SLC39A12: variants seen among roughly 807,000 people sequenced by gnomAD.
SLC39A12 encodes solute carrier family 39 member 12.
In SLC39A12, 63 loss-of-function variants were observed where a neutral mutation model predicts 71.1. The ratio of observed to expected loss-of-function variants is 0.89; its 90% confidence interval spans 0.72 to 1.09. The LOEUF (loss-of-function observed/expected upper bound fraction) is 1.09. Ranked by LOEUF, SLC39A12 falls within the 50% of genes least tolerant of loss-of-function variation. The probability of loss-of-function intolerance (pLI) is 0.00; values close to 1 mark genes in which losing one functional copy is unlikely to be tolerated. For missense variants in SLC39A12, 892 were observed against 812.6 expected, an observed-to-expected ratio of 1.10 and a Z score of -1.19; for synonymous variants, 351 against 301.3, an observed-to-expected ratio of 1.16 and a Z score of -1.71.
At chr10:18,019,820 A>G (rs188437607) in intron 12 of SLC39A12, among the ~76,000 whole-genome samples, 1 of 152,222 alleles carries the variant, frequency 6.6e-6, no homozygotes, top group African/African-American at 2.4e-5. Flanking sequence ...CTTATAGCCC[A>G]GAATGTGGTC....
chr10:18,018,805 C>T (rs1225083129), intron 12 of SLC39A12, among the ~76,000 whole-genome samples: 2 of 152,016 alleles, frequency 1.3e-5, no homozygotes, highest in African/African-American at 2.4e-5. Flanking sequence ...AGTCTTGCAT[C>T]TATATTTTTG....
chr10:18,035,063 C>T (rs1335854872), intron 12 of SLC39A12, among the ~76,000 whole-genome samples: 1 of 144,490 alleles, frequency 6.9e-6, no homozygotes, highest in Non-Finnish European at 1.5e-5. Context: ...CGACCTTTCT[C>T]TCTGGCTGCC....
At chr10:18,003,515 C>A in intron 12 of SLC39A12, 157 bp downstream of exon 12, 1 of 591,726 alleles carries the variant, frequency 1.7e-6, no homozygotes, top group South Asian at 4.0e-5. Context: ...CAAGAAAGTG[C>A]ATTCTGGGCA....
chr10:17,995,582 T>A lies in SLC39A12; in HGVS notation c.1534-74T>A, dbSNP rs187461471. ...TGTCTTTTAAAAACCCATGTAACTC[T>A]CCAGATGTTTCATTTTTCAACAAAA... On this transcript the variant is annotated intron_variant, in intron 9 of 12. Transcript: ENST00000377369. The A allele has an allele frequency of 1.3e-4, 173 of 1,375,296 alleles. 1 individual carries two copies. In the East Asian group the frequency reaches 3.9e-3, roughly 31 times the overall value. The allele number at this position is 1,375,296 out of a possible 1,614,324, so 85.2% of individuals were successfully genotyped here.
At chr10:18,036,794 ATTTT>A (rs746691202) in intron 12 of SLC39A12, among the ~76,000 whole-genome samples, 1 of 92,862 alleles carries the variant, frequency 1.1e-5, no homozygotes, top group East Asian at 4.4e-4. Flanking sequence ...ATATATATAT[ATTTT>A]TTTTTTTAAT....
At chr10:17,992,823 A>T (rs576463149) in intron 8 of SLC39A12, among the ~76,000 whole-genome samples, 1 of 152,216 alleles carries the variant, frequency 6.6e-6, no homozygotes, top group Admixed American at 6.5e-5. Context: ...AGGAACTGCA[A>T]ATGCTTTACT....
At position 17,953,260 on chromosome 10, in the gene SLC39A12, G is replaced by T; in HGVS notation, c.-17G>T. 6.2e-7 allele frequency: 1 copy of T among 1,612,202 alleles called. No individual in the cohort carries two copies. Among genetic ancestry groups the T allele is most frequent in the Middle Eastern group, 1.7e-4 (1 of 6,046 alleles). ...CACCTCCATCCAAGACAGACTCAAG[G>T]TGGAGGAAGCGTGGAAATGTGCTTC... On this transcript the variant is annotated 5_prime_UTR_variant, in exon 2 of 13. Coordinates refer to ENST00000377369, the MANE Select transcript of SLC39A12 (RefSeq NM_001145195.2).
chr10:17,995,852 T>G, intron 10 of SLC39A12, 130 bp downstream of exon 10: 1 of 686,810 alleles, frequency 1.5e-6, no homozygotes, highest in Non-Finnish European at 2.3e-6. Flanking sequence ...AACTTTGCAA[T>G]AGGATTTGTA....
At chr10:18,013,577 G>T (rs1008262025) in intron 12 of SLC39A12, among the ~76,000 whole-genome samples, 22 of 152,004 alleles carry the variant, frequency 1.4e-4, no homozygotes, top group African/African-American at 3.4e-4. Flanking sequence ...TCACTATGTT[G>T]CCCAGGCTTG....
chr10:18,003,932 A>G (rs997541602), intron 12 of SLC39A12, among the ~76,000 whole-genome samples: 2 of 152,236 alleles, frequency 1.3e-5, no homozygotes, highest in African/African-American at 2.4e-5. Context: ...CAAAAGGACA[A>G]TTGCGCTGAT....
chr10:17,978,050 G>A lies in SLC39A12; in HGVS notation c.900G>A (p.Glu300=), dbSNP rs1307474607. ...NFSSSMEKES[E]DGPVSWDQTC... ...CTTCATCCATGGAAAAAGAGTCTGA[G>A]GATGGTCCAGTTTCCTGGGATCAGG... Residue 300 remains glutamate (E), a synonymous_variant, in exon 5 of 13, where the codon GAG becomes GAA. Transcript: ENST00000377369. The A allele has an allele frequency of 1.2e-6, 2 of 1,602,400 alleles. No homozygotes were observed. Among genetic ancestry groups the A allele is most frequent in the Non-Finnish European group, 8.5e-7 (1 of 1,175,870 alleles).
chr10:18,000,917 T>C, intron 11 of SLC39A12, 92 bp downstream of exon 11: 1 of 1,236,882 alleles, frequency 8.1e-7, no homozygotes, highest in South Asian at 1.5e-5. Context: ...TTTTCTAACC[T>C]ATGACTTAAA....
At chr10:18,024,404 T>C (rs1836618553) in intron 12 of SLC39A12, among the ~76,000 whole-genome samples, 1 of 152,060 alleles carries the variant, frequency 6.6e-6, no homozygotes, top group African/African-American at 2.4e-5. Flanking sequence ...GTTGCATAGG[T>C]CCATGGAAGA....
At chr10:18,019,100 A>G (rs947655458) in intron 12 of SLC39A12, among the ~76,000 whole-genome samples, 5 of 151,940 alleles carry the variant, frequency 3.3e-5, no homozygotes, top group African/African-American at 4.8e-5. Context: ...CAAATTTTCT[A>G]TTCCTTCTTG....
chr10:17,995,798 A>C, intron 10 of SLC39A12, 76 bp downstream of exon 10: 2 of 1,310,330 alleles, frequency 1.5e-6, no homozygotes, highest in Non-Finnish European at 2.2e-6. Context: ...ATAAAATGTC[A>C]AAACTATATA....
intron 12 of SLC39A12, among the ~76,000 whole-genome samples, chr10:18,026,601 T>A (rs1836684761): frequency 6.6e-6 from 1 of 152,286 alleles, no homozygotes; most frequent in South Asian, 2.1e-4. Flanking sequence ...TTCTCAGTAT[T>A]GTTTCAAATA....
Position 17,978,000 on chromosome 10 carries a change from C to T in SLC39A12, c.850C>T (p.His284Tyr). ...FQRKQNNIIT[H>Y]DQDYSNFSSS... The stretch of plus-strand genomic sequence containing the variant: ...AAGGAAACAAAACAACATAATAACC[C>T]ATGATCAGGACTATTCTAATTTCTC... Residue 284 changes from histidine (H) to tyrosine (Y), a missense_variant, in exon 5 of 13, where the codon CAT becomes TAT. By Grantham distance (83) the His-to-Tyr change is moderately conservative (BLOSUM62 2). Coordinates refer to ENST00000377369, the MANE Select transcript of SLC39A12 (RefSeq NM_001145195.2). 1 of 1,610,220 alleles carries T rather than the reference C, an allele frequency of 6.2e-7. No individual in the cohort carries two copies. Among genetic ancestry groups the T allele is most frequent in the Non-Finnish European group, 8.5e-7 (1 of 1,178,386 alleles).
chr10:17,956,915 C>G (rs951641528), intron 2 of SLC39A12, among the ~76,000 whole-genome samples: 2 of 152,160 alleles, frequency 1.3e-5, no homozygotes, highest in African/African-American at 4.8e-5. Flanking sequence ...AGAGCCAGTA[C>G]CTGCCATCGG....
chr10:17,954,861 T>G (rs1381480199), intron 2 of SLC39A12, among the ~76,000 whole-genome samples: 1 of 152,170 alleles, frequency 6.6e-6, no homozygotes, highest in African/African-American at 2.4e-5. Context: ...GACCAAGTGT[T>G]TTGTTTTTTC....
Sources: allele counts gnomAD v4.1 joint callset (sites outside exome capture counted in the v4.1 genomes callset), GRCh38; gene constraint gnomAD v4.1.1; transcripts MANE v1.5; gene names NCBI Gene and HGNC (gene_info 2026-07-23, HGNC 2026-07-21).